SLC2A5: variants seen among roughly 807,000 people sequenced by gnomAD.
SLC2A5 encodes solute carrier family 2, facilitated glucose transporter member 5.
A neutral mutation model predicts 50.3 loss-of-function variants in SLC2A5; 56 were observed. That is an observed-to-expected ratio of 1.11 (90% confidence interval 0.90 to 1.39). The LOEUF is 1.39. Among genes scored for constraint, SLC2A5 ranks in the 40% most tolerant of loss-of-function variants. The pLI is 0.00. For synonymous variants in SLC2A5, 269 were observed against 281.9 expected, an observed-to-expected ratio of 0.95 and a Z score of 0.46; for missense variants, 566 against 650.1, an observed-to-expected ratio of 0.87 and a Z score of 1.41.
intron 4 of SLC2A5, 66 bp from the exon 5 acceptor site, chr1:9,042,003 A>G (rs547178648): frequency 9.8e-5 from 145 of 1,482,634 alleles, no homozygotes; most frequent in Non-Finnish European, 2.8e-5. Context: ...GCTGTCTTCA[A>G]GTATACTATT....
intron 2 of SLC2A5, among the ~76,000 whole-genome samples, chr1:9,083,734 A>G (rs1642376428): frequency 6.6e-6 from 1 of 152,208 alleles, no homozygotes; most frequent in South Asian, 2.1e-4. Context: ...CTGAGGCAGA[A>G]GAATCACTTG....
At chr1:9,039,012 G>C in intron 8 of SLC2A5, 83 bp from the exon 9 acceptor site, 2 of 1,500,834 alleles carry the variant, frequency 1.3e-6, no homozygotes, top group East Asian at 2.4e-5. Context: ...GCTGTGAGGA[G>C]AGCTGGGCGG....
chr1:9,043,812 C>T (rs960848763), intron 4 of SLC2A5, among the ~76,000 whole-genome samples: 6 of 151,766 alleles, frequency 4.0e-5, no homozygotes, highest in African/African-American at 1.5e-4. Context: ...ACCTCTGCCT[C>T]CCAGGTTCAA....
intron 2 of SLC2A5, among the ~76,000 whole-genome samples, chr1:9,079,897 A>G (rs552002023): frequency 7.9e-5 from 12 of 152,264 alleles, no homozygotes; most frequent in Admixed American, 3.9e-4. Context: ...TTGTTATGAA[A>G]CAGATCTCCA....
chr1:9,037,505 T>C lies in SLC2A5; in HGVS notation c.*81A>G, dbSNP rs1175255815. The C allele has an allele frequency of 8.5e-7, 1 of 1,177,906 alleles. No homozygotes were observed. Among genetic ancestry groups the C allele is most frequent in the African/African-American group, 1.5e-5 (1 of 65,844 alleles). The allele number at this position is 1,177,906 out of a possible 1,614,324, so 73.0% of individuals were successfully genotyped here. On this transcript the variant is annotated 3_prime_UTR_variant, in exon 12 of 12. Coordinates refer to ENST00000377424, the MANE Select transcript of SLC2A5 (RefSeq NM_003039.3). ...TCAGAGTTGTTTTATTTCTGGATAT[T>C]CACAGACAGCTAGAAGTCAGAAAAA... is the stretch of plus-strand genomic sequence containing the variant.
rs146476134 is a variant in SLC2A5, at chr1:9,066,276, C to T, written c.33+3228G>A. On this transcript the variant is annotated intron_variant, in intron 1 of 11. Coordinates refer to ENST00000377424, the MANE Select transcript of SLC2A5 (RefSeq NM_003039.3). ...CAGAATCTCACTCTGGCTGGAGTCA[C>T]GCAGGCTGGAGCGCAGTGGCACTAT... 4.4e-3 allele frequency among the ~76,000 whole-genome samples: 676 copies of T among 152,122 alleles called. 3 individuals carry two copies. Among genetic ancestry groups the T allele is most frequent in the African/African-American group, 0.015 (614 of 41,490 alleles).
At chr1:9,042,139 A>C (rs1641320363) in intron 4 of SLC2A5, among the ~76,000 whole-genome samples, 1 of 152,234 alleles carries the variant, frequency 6.6e-6, no homozygotes, top group African/African-American at 2.4e-5. Flanking sequence ...GCTCATGCAC[A>C]GGGGCCCTTG....
chr1:9,065,881 C>T (rs1642067003), intron 1 of SLC2A5, among the ~76,000 whole-genome samples: 1 of 152,074 alleles, frequency 6.6e-6, no homozygotes, highest in South Asian at 2.1e-4. Flanking sequence ...GCCCAGGAGG[C>T]TGCAATGAGC....
chr1:9,056,492 T>C (rs1641755156), intron 3 of SLC2A5, among the ~76,000 whole-genome samples: 1 of 152,052 alleles, frequency 6.6e-6, no homozygotes, highest in Non-Finnish European at 1.5e-5. Context: ...GCTGTGTGTT[T>C]TTATTCTCAG....
At position 9,066,685 on chromosome 1, in the gene SLC2A5, T is replaced by C. The variant is rs143842162; in HGVS notation, c.33+2819A>G. On this transcript the variant is annotated intron_variant, in intron 1 of 11. Transcript: ENST00000377424. ...TAGATGTCAGTGTTTGCCCTCTACATAGGAGAAAAGCAGGGCTGAGTGCAG... is the reference window on the plus strand; with the variant it reads ...TAGATGTCAGTGTTTGCCCTCTACACAGGAGAAAAGCAGGGCTGAGTGCAG... 7.7e-4 allele frequency among the ~76,000 whole-genome samples: 117 copies of C among 152,096 alleles called. No individual in the cohort carries two copies. The East Asian group carries it at 0.01, about 13-fold the overall frequency.
chr1:9,074,394 A>G (rs557544058), upstream of SLC2A5, among the ~76,000 whole-genome samples: 4 of 152,236 alleles, frequency 2.6e-5, no homozygotes, highest in East Asian at 7.7e-4. Flanking sequence ...AGCTGGCTGG[A>G]GGGGAAAGAG....
intron 1 of SLC2A5, among the ~76,000 whole-genome samples, chr1:9,087,164 C>T (rs1642408802): frequency 6.6e-6 from 1 of 151,802 alleles, no homozygotes; most frequent in African/African-American, 2.4e-5. Flanking sequence ...TAAAATAAAC[C>T]TGTCCTTAAC....
At chr1:9,085,499 C>T (rs1642392701) in intron 1 of SLC2A5, among the ~76,000 whole-genome samples, 2 of 152,128 alleles carry the variant, frequency 1.3e-5, no homozygotes, top group Non-Finnish European at 2.9e-5. Flanking sequence ...CAAAGTTTTA[C>T]CATGCAGATG....
At chr1:9,094,191 C>G in the SLC2A5 span, among the ~76,000 whole-genome samples, 3 of 152,200 alleles carry the variant, frequency 2.0e-5, no homozygotes, top group Admixed American at 6.5e-5. Context: ...TTGCCTGAAG[C>G]GAACGGAGCA....
At chr1:9,077,124 A>T (rs1425975697) in intron 2 of SLC2A5, among the ~76,000 whole-genome samples, 1 of 149,658 alleles carries the variant, frequency 6.7e-6, no homozygotes, top group Non-Finnish European at 1.5e-5. Context: ...GGAAGGCTGG[A>T]CATGGTGGCC....
At position 9,037,734 on chromosome 1, in the gene SLC2A5, G is replaced by A. The variant is rs766893619; in HGVS notation, c.1358C>T (p.Thr453Ile). ...IVFAVICLLT[T>I]IYIFLIVPET... is the part of the protein sequence containing the mutation. ...CGGGACAATCAAGAAGATGTAGATGGTGGTGAGGAGGCAGATCACGGCGAA... is the reference window on the plus strand; with the variant it reads ...CGGGACAATCAAGAAGATGTAGATGATGGTGAGGAGGCAGATCACGGCGAA... The change falls in exon 12 of 12, where the codon ACC becomes ATC. Residue 453 changes from threonine (T) to isoleucine (I), a missense_variant. Physicochemically the swap from Thr to Ile is moderately conservative, Grantham distance 89 (BLOSUM62 -1). Transcript: ENST00000377424. The A allele has an allele frequency of 6.2e-7, 1 of 1,614,214 alleles. No homozygotes were observed. The highest frequency in any genetic ancestry group is 1.1e-5 in the South Asian group (1 of 91,084).
In SLC2A5 at chr1:9,046,435, G is replaced by T. The variant is rs962749666; in HGVS notation, c.418+1175C>A. Among the ~76,000 whole-genome samples, 5 of 152,188 alleles carry T rather than the reference G, an allele frequency of 3.3e-5. No homozygotes were observed. In the South Asian group the frequency reaches 8.3e-4, roughly 25 times the overall value. On this transcript the variant is annotated intron_variant, in intron 4 of 11. Transcript: ENST00000377424. Reference sequence around the variant, plus strand: ...ATTAGGAAAAAACACCTCCCAGTTTGTTAGATGAGAGGACTCAGCGAGTCA... The same window carrying T: ...ATTAGGAAAAAACACCTCCCAGTTTTTTAGATGAGAGGACTCAGCGAGTCA...
intron 4 of SLC2A5, among the ~76,000 whole-genome samples, chr1:9,043,024 T>C (rs960099926): frequency 6.6e-6 from 1 of 152,178 alleles, no homozygotes; most frequent in African/African-American, 2.4e-5. Flanking sequence ...TAAAAAAACA[T>C]AGGCAGAATT....
chr1:9,082,476 G>A (rs1642365284), intron 2 of SLC2A5, among the ~76,000 whole-genome samples: 1 of 152,164 alleles, frequency 6.6e-6, no homozygotes, highest in South Asian at 2.1e-4. Context: ...CTCCCCAGGA[G>A]GCTGAGGTCG....
Sources: gnomAD v4.1 joint callset for allele counts (sites outside exome capture counted in the v4.1 genomes callset) on GRCh38, gnomAD v4.1.1 for gene constraint, MANE v1.5 for transcripts, NCBI Gene and HGNC (gene_info 2026-07-23, HGNC 2026-07-21) for gene names.